The following CDH12 variants were observed in gnomAD, a reference collection of about 807,000 sequenced individuals.
CDH12 encodes the protein cadherin-12.
A neutral mutation model predicts 74.1 loss-of-function variants in CDH12; 41 were observed. That is an observed-to-expected ratio of 0.55 (90% CI 0.43 to 0.72). The LOEUF is 0.72. Among genes scored for constraint, CDH12 ranks in the 30% least tolerant of loss-of-function variants. CDH12 has a pLI of 0.00. For missense variants in CDH12, 945 were observed against 977.2 expected (o/e 0.97, Z 0.44); for synonymous variants, 399 against 355.0 (o/e 1.12, Z -1.39).
At chr5:22,415,358 A>G (rs951531516) in intron 2 of CDH12, among the ~76,000 whole-genome samples, 1 of 152,190 alleles carries the variant, frequency 6.6e-6, no homozygotes, top group Non-Finnish European at 1.5e-5. Context: ...ATCTGCAAAA[A>G]TGGCCACACA....
intron 1 of CDH12, among the ~76,000 whole-genome samples, chr5:22,606,628 A>G (rs1001618854): frequency 1.1e-4 from 16 of 152,168 alleles, no homozygotes; most frequent in African/African-American, 3.9e-4. Flanking sequence ...CTCCCCAGCC[A>G]TGTGGATCTG....
intron 1 of CDH12, among the ~76,000 whole-genome samples, chr5:22,573,623 T>C (rs1188186725): frequency 6.6e-6 from 1 of 152,174 alleles, no homozygotes; most frequent in Non-Finnish European, 1.5e-5. Context: ...TTCAGGTCCA[T>C]TTTAGTGGTA....
chr5:22,326,425 C>G lies in CDH12; in HGVS notation c.-333+78832G>C, dbSNP rs1018263818. On this transcript the variant is annotated intron_variant, in intron 3 of 14. Transcript: ENST00000382254. Reference sequence around the variant, plus strand: ...TAGTTTTTTGTATTTTTAGTAGAGACGGGGTTTCACCGTGTTAGTCGGGAT... The same window carrying G: ...TAGTTTTTTGTATTTTTAGTAGAGAGGGGGTTTCACCGTGTTAGTCGGGAT... Among the ~76,000 whole-genome samples, 20 of 152,074 alleles carry G rather than the reference C, an allele frequency of 1.3e-4. 1 individual carries two copies. The highest frequency in any genetic ancestry group is 1.2e-3 in the Admixed American group (19 of 15,262).
chr5:22,576,611 A>G (rs1205160050), intron 1 of CDH12, among the ~76,000 whole-genome samples: 1 of 152,134 alleles, frequency 6.6e-6, no homozygotes, highest in African/African-American at 2.4e-5. Flanking sequence ...ATCGGAGGAA[A>G]TTGCCGTTAA....
chr5:22,109,446 C>A (rs1035418046), intron 4 of CDH12, among the ~76,000 whole-genome samples: 2 of 152,158 alleles, frequency 1.3e-5, no homozygotes, highest in African/African-American at 4.8e-5. Context: ...TATGGGATTT[C>A]AGGTTCAGGG....
intron 3 of CDH12, among the ~76,000 whole-genome samples, chr5:22,373,919 T>C (rs193081411): frequency 2.0e-4 from 30 of 152,286 alleles, no homozygotes; most frequent in East Asian, 7.7e-4. Context: ...AGGAACACTG[T>C]AATGCTCCAA....
At chr5:22,143,001 T>G (rs1746901825) in intron 4 of CDH12, 4 of 219,288 alleles carry the variant, frequency 1.8e-5, no homozygotes. Flanking sequence ...TTACTGTAAC[T>G]TGGGTATTAT....
intron 5 of CDH12, among the ~76,000 whole-genome samples, chr5:22,034,439 T>G (rs1240160975): frequency 1.3e-5 from 2 of 152,188 alleles, no homozygotes; most frequent in Non-Finnish European, 2.9e-5. Context: ...TTTTCTATAT[T>G]GTAAGGAAAA....
intron 6 of CDH12, among the ~76,000 whole-genome samples, chr5:21,898,573 G>T (rs180711330): frequency 6.6e-6 from 1 of 151,820 alleles, no homozygotes; most frequent in African/African-American, 2.4e-5. Context: ...GTGGTGGCGG[G>T]CGCCTATAGT....
intron 1 of CDH12, among the ~76,000 whole-genome samples, chr5:22,642,546 G>A (rs1169358542): frequency 3.3e-5 from 5 of 152,062 alleles, no homozygotes; most frequent in Admixed American, 1.3e-4. Context: ...TTACACTTAC[G>A]GAGCCCAGTT....
At chr5:22,086,927 G>T (rs1254874745) in intron 4 of CDH12, among the ~76,000 whole-genome samples, 1 of 152,068 alleles carries the variant, frequency 6.6e-6, no homozygotes, top group Non-Finnish European at 1.5e-5. Flanking sequence ...ATTTACCTCT[G>T]TGGTCTTTCA....
intron 6 of CDH12, among the ~76,000 whole-genome samples, chr5:21,856,631 A>G (rs1230624393): frequency 1.3e-5 from 2 of 151,800 alleles, no homozygotes; most frequent in South Asian, 2.1e-4. Flanking sequence ...TAATGTTTAC[A>G]TGACCCTCCA....
chr5:22,026,926 A>G (rs1297417389), intron 5 of CDH12, among the ~76,000 whole-genome samples: 1 of 152,156 alleles, frequency 6.6e-6, no homozygotes, highest in Non-Finnish European at 1.5e-5. Flanking sequence ...TTTCTTGCCC[A>G]TTCAGTATGA....
intron 1 of CDH12, among the ~76,000 whole-genome samples, chr5:22,686,233 T>C (rs1365841603): frequency 6.6e-6 from 1 of 152,136 alleles, no homozygotes; most frequent in East Asian, 1.9e-4. Flanking sequence ...TTCAATTTTT[T>C]GTCTTATTTC....
At chr5:22,017,793 C>G (rs144824088) in intron 5 of CDH12, among the ~76,000 whole-genome samples, 3,577 of 146,532 alleles carry the variant, frequency 0.024, 156 homozygotes, top group African/African-American at 0.085. Context: ...CAGTTTTGCT[C>G]TTGTTGCCCA....
intron 6 of CDH12, among the ~76,000 whole-genome samples, chr5:21,914,276 G>A (rs1345190605): frequency 6.6e-6 from 1 of 152,112 alleles, no homozygotes; most frequent in Non-Finnish European, 1.5e-5. Context: ...ACTGTGAGAG[G>A]ATATTAAATA....
chr5:21,942,509 T>C (rs1278116663), intron 6 of CDH12, among the ~76,000 whole-genome samples: 1 of 151,726 alleles, frequency 6.6e-6, no homozygotes, highest in Admixed American at 6.6e-5. Flanking sequence ...ATTTATATAA[T>C]ACTAGTTATA....
intron 5 of CDH12, among the ~76,000 whole-genome samples, chr5:22,028,075 C>A (rs1738509859): frequency 6.6e-6 from 1 of 151,998 alleles, no homozygotes; most frequent in South Asian, 2.1e-4. Context: ...GTTATGTACC[C>A]AGTAGTCATT....
intron 1 of CDH12, among the ~76,000 whole-genome samples, chr5:22,510,941 C>T (rs898419393): frequency 1.3e-5 from 2 of 150,684 alleles, no homozygotes; most frequent in African/African-American, 2.4e-5. Flanking sequence ...GTCGCCTAGA[C>T]TGGAGTGCAA....
Sources: gnomAD v4.1 joint callset for allele counts (sites outside exome capture counted in the v4.1 genomes callset) on GRCh38, gnomAD v4.1.1 for gene constraint, MANE v1.5 for transcripts, NCBI Gene and HGNC (gene_info 2026-07-23, HGNC 2026-07-21) for gene names.